Variants in CRADD observed in about 807,000 individuals in gnomAD.
The protein encoded by CRADD is CARD and death domain containing adaptor protein, also known as death domain-containing protein CRADD.
In CRADD, 9 loss-of-function variants were observed where a neutral mutation model predicts 15.5. The ratio of observed to expected loss-of-function variants is 0.58; its 90% CI spans 0.35 to 1.01. The LOEUF is 1.01. CRADD is among the 50% of genes least tolerant of loss of function. CRADD has a pLI of 0.02. For missense variants in CRADD, 227 were observed against 250.3 expected (o/e 0.91, Z 0.63); for synonymous variants, 118 against 107.6 (o/e 1.10, Z -0.60).
At chr12:93,739,871 A>T (rs1262863677) in intron 2 of CRADD, among the ~76,000 whole-genome samples, 1 of 152,152 alleles carries the variant, frequency 6.6e-6, no homozygotes, top group East Asian at 1.9e-4. Flanking sequence ...TCTGCTTTTG[A>T]TTTATTGTAA....
At chr12:93,752,344 TG>T (rs1956838187) in intron 2 of CRADD, among the ~76,000 whole-genome samples, 3 of 152,240 alleles carry the variant, frequency 2.0e-5, no homozygotes, top group African/African-American at 7.2e-5. Flanking sequence ...GCCATGCTAA[TG>T]TCAAAAGCAG....
At chr12:93,841,433 C>A (rs1958046067) in intron 2 of CRADD, among the ~76,000 whole-genome samples, 1 of 152,094 alleles carries the variant, frequency 6.6e-6, no homozygotes, top group Non-Finnish European at 1.5e-5. Flanking sequence ...TCTTTTTCCC[C>A]CTTTAACTTG....
chr12:93,696,666 T>G (rs1294094253), intron 2 of CRADD, among the ~76,000 whole-genome samples: 1 of 151,962 alleles, frequency 6.6e-6, no homozygotes, highest in African/African-American at 2.4e-5. Context: ...TTGTGCAACA[T>G]GATGACTATA....
At chr12:93,685,522 A>G (rs1955408507) in intron 2 of CRADD, among the ~76,000 whole-genome samples, 1 of 152,224 alleles carries the variant, frequency 6.6e-6, no homozygotes, top group Admixed American at 6.5e-5. Flanking sequence ...GTATGCATGT[A>G]TTGAAATGTT....
chr12:93,752,479 A>G (rs909578550), intron 2 of CRADD, among the ~76,000 whole-genome samples: 1 of 152,230 alleles, frequency 6.6e-6, no homozygotes, highest in Non-Finnish European at 1.5e-5. Flanking sequence ...CTGTGTGTTT[A>G]AGCTATGAGA....
rs57260302 is a variant in CRADD, at chr12:93,783,228, G to GTATTATTAT, written c.299-66704_299-66696dup. 2.7e-3 allele frequency among the ~76,000 whole-genome samples: 370 copies of GTATTATTAT among 139,358 alleles called. 1 individual carries two copies. The highest frequency in any genetic ancestry group is 4.8e-3 in the South Asian group (20 of 4,200). 91.4% of individuals were successfully genotyped at this position (139,358 alleles called of 152,430 possible). Reference sequence around the variant, plus strand: ...TCAGCCTTCCAAGTTACAGGTATAGGTATTATTATTATTATTATTATTATT... The same window carrying GTATTATTAT: ...TCAGCCTTCCAAGTTACAGGTATAGGTATTATTATTATTATTATTATTATTATTATTATT... On this transcript the variant is annotated intron_variant, in intron 2 of 2. Transcript: ENST00000332896.
At chr12:93,721,328 T>C (rs890567298) in intron 2 of CRADD, among the ~76,000 whole-genome samples, 1 of 152,198 alleles carries the variant, frequency 6.6e-6, no homozygotes, top group Non-Finnish European at 1.5e-5. Flanking sequence ...TCTGTACTAA[T>C]ACATGGGCAG....
intron 2 of CRADD, among the ~76,000 whole-genome samples, chr12:93,831,933 A>C (rs1031810335): frequency 4.6e-5 from 7 of 152,194 alleles, no homozygotes; most frequent in Non-Finnish European, 8.8e-5. Context: ...GTTTGCTGTC[A>C]AGTTTTTGGT....
At chr12:93,793,791 A>G (rs796538991) in intron 2 of CRADD, among the ~76,000 whole-genome samples, 2 of 152,296 alleles carry the variant, frequency 1.3e-5, no homozygotes, top group African/African-American at 2.4e-5. Flanking sequence ...CTACTTTTCT[A>G]TATCTTTGAA....
intron 2 of CRADD, among the ~76,000 whole-genome samples, chr12:93,823,361 C>T (rs1957789862): frequency 6.6e-6 from 1 of 151,868 alleles, no homozygotes; most frequent in African/African-American, 2.4e-5. Flanking sequence ...TTTATAGACT[C>T]CCAAAGGCCT....
intron 2 of CRADD, among the ~76,000 whole-genome samples, chr12:93,715,797 C>G (rs1056911981): frequency 1.3e-5 from 2 of 151,964 alleles, no homozygotes; most frequent in Non-Finnish European, 2.9e-5. Flanking sequence ...TTCTTAAATC[C>G]TTTTTCCCCA....
intron 2 of CRADD, among the ~76,000 whole-genome samples, chr12:93,858,668 C>T (rs1437196355): frequency 2.0e-5 from 3 of 152,210 alleles, no homozygotes; most frequent in African/African-American, 7.2e-5. Context: ...AAACTGTAAT[C>T]CCTCTTCCCC....
chr12:93,864,164 C>A (rs1173952404), intron 2 of CRADD, among the ~76,000 whole-genome samples: 1 of 152,178 alleles, frequency 6.6e-6, no homozygotes, highest in Non-Finnish European at 1.5e-5. Flanking sequence ...AAGCAATCCT[C>A]CCACTTCACC....
chr12:93,777,724 A>G (rs536544104), intron 2 of CRADD, among the ~76,000 whole-genome samples: 86 of 152,316 alleles, frequency 5.6e-4, no homozygotes, highest in Admixed American at 1.8e-3. Context: ...ATTTAGCTCA[A>G]CGGAATGAGG....
chr12:93,815,549 G>A (rs1259668722), intron 2 of CRADD: 1 of 152,098 alleles, frequency 6.6e-6, no homozygotes, highest in Non-Finnish European at 1.5e-5. Context: ...TAAAAACATG[G>A]GCAGGTTATA....
chr12:93,752,266 A>C (rs1956837564), intron 2 of CRADD, among the ~76,000 whole-genome samples: 1 of 152,146 alleles, frequency 6.6e-6, no homozygotes, highest in Admixed American at 6.5e-5. Context: ...CATCTGGCTA[A>C]CTCATGATTC....
chr12:93,843,717 G>GTATT (rs1054879499), intron 2 of CRADD, among the ~76,000 whole-genome samples: 12 of 150,400 alleles, frequency 8.0e-5, no homozygotes, highest in South Asian at 6.3e-4. Context: ...TTTTATTTAT[G>GTATT]TATTTATTTA....
chr12:93,710,610 G>T (rs1258997751), intron 2 of CRADD, among the ~76,000 whole-genome samples: 1 of 152,082 alleles, frequency 6.6e-6, no homozygotes, highest in Non-Finnish European at 1.5e-5. Context: ...CTCCCAAAGG[G>T]CTGGGATTAC....
chr12:93,841,824 C>T (rs1298065699), intron 2 of CRADD, among the ~76,000 whole-genome samples: 1 of 152,162 alleles, frequency 6.6e-6, no homozygotes, highest in African/African-American at 2.4e-5. Context: ...ACAGTCTCTT[C>T]GCTCAGCTTT....
Sources: allele counts gnomAD v4.1 joint callset (sites outside exome capture counted in the v4.1 genomes callset), GRCh38; gene constraint gnomAD v4.1.1; transcripts MANE v1.5; gene names NCBI Gene and HGNC (gene_info 2026-07-23, HGNC 2026-07-21).